GRM5: variants seen among roughly 807,000 people sequenced by gnomAD.
GRM5 encodes the protein metabotropic glutamate receptor 5.
In GRM5, 19 loss-of-function variants were observed where a neutral mutation model predicts 83.1. The observed-to-expected ratio is 0.23, with a 90% CI of 0.16 to 0.34. The LOEUF (loss-of-function observed/expected upper bound fraction) is 0.34, where lower values mean the gene tolerates loss of function less well. GRM5 is among the 10% of genes least tolerant of loss of function. The probability of loss-of-function intolerance (pLI) is 1.00; values close to 1 mark genes in which losing one functional copy is unlikely to be tolerated. For missense variants in GRM5, 1,160 were observed against 1,588.3 expected, an observed-to-expected ratio of 0.73 and a Z score of 4.58; for synonymous variants, 675 against 633.6, an observed-to-expected ratio of 1.07 and a Z score of -0.98.
intron 4 of GRM5, among the ~76,000 whole-genome samples, chr11:88,624,287 G>GAATACCTTCCC (rs1938724254): frequency 6.6e-6 from 1 of 152,200 alleles, no homozygotes; most frequent in Non-Finnish European, 1.5e-5. Context: ...TCACAAGGGA[G>GAATACCTTCCC]AATACCTTCC....
At chr11:88,680,576 C>A (rs913523898) in intron 3 of GRM5, among the ~76,000 whole-genome samples, 1 of 152,246 alleles carries the variant, frequency 6.6e-6, no homozygotes, top group Non-Finnish European at 1.5e-5. Flanking sequence ...GTGTGGCGAT[C>A]CCTCAGGGAT....
chr11:88,745,437 A>T (rs1462808810), intron 3 of GRM5, among the ~76,000 whole-genome samples: 2 of 151,852 alleles, frequency 1.3e-5, no homozygotes, highest in African/African-American at 4.8e-5. Context: ...AACTCCTGAG[A>T]TCAAGCTATC....
chr11:88,861,695 G>C (rs967344404), intron 2 of GRM5, among the ~76,000 whole-genome samples: 8 of 151,802 alleles, frequency 5.3e-5, no homozygotes, highest in Non-Finnish European at 7.4e-5. Flanking sequence ...TTGAACTCCT[G>C]GGCTCAAGCA....
At chr11:88,851,762 G>A (rs1241508538) in intron 2 of GRM5, among the ~76,000 whole-genome samples, 1 of 152,224 alleles carries the variant, frequency 6.6e-6, no homozygotes, top group African/African-American at 2.4e-5. Context: ...AAAGGGCAGA[G>A]CAGAGCAGGT....
intron 7 of GRM5, among the ~76,000 whole-genome samples, chr11:88,579,058 A>C (rs1324590045): frequency 1.3e-5 from 2 of 152,146 alleles, no homozygotes; most frequent in Non-Finnish European, 2.9e-5. Flanking sequence ...TTCAATTTTC[A>C]AACTCAATTT....
rs182304864 is a variant in GRM5, at chr11:88,867,320, A to G, written c.662-17165T>C. Among the ~76,000 whole-genome samples, 346 of 151,966 alleles carry G rather than the reference A, an allele frequency of 2.3e-3. 1 individual carries two copies. Among genetic ancestry groups the G allele is most frequent in the African/African-American group, 8.0e-3 (330 of 41,508 alleles). On this transcript the variant is annotated intron_variant, in intron 2 of 9. Coordinates refer to ENST00000305447, the MANE Select transcript of GRM5 (RefSeq NM_001143831.3). The stretch of plus-strand genomic sequence containing the variant: ...CAAACTGTTACTTCATTTGGGGTTG[A>G]ATATGAGAAAATTCAAGAAGCTTAG...
chr11:88,647,526 G>A lies in GRM5; in HGVS notation c.1147+5642C>T, dbSNP rs144965585. The stretch of plus-strand genomic sequence containing the variant: ...TTCACGATGCATTAAAGACTTAAAC[G>A]TTAGACCTAAAACCATAAAAACCCT... On this transcript the variant is annotated intron_variant, in intron 4 of 9. Transcript: ENST00000305447. 0.01 allele frequency among the ~76,000 whole-genome samples: 1,573 copies of A among 152,164 alleles called. 46 individuals are homozygous for A. The East Asian group carries it at 0.12, about 11-fold the overall frequency.
chr11:88,511,247 CTTG>C (rs938167007), intron 9 of GRM5, among the ~76,000 whole-genome samples: 34 of 152,274 alleles, frequency 2.2e-4, no homozygotes, highest in African/African-American at 8.2e-4. Context: ...CTTGGGCCCC[CTTG>C]CTGGAGGGCT....
chr11:88,538,052 A>C (rs1011860326), intron 8 of GRM5, among the ~76,000 whole-genome samples: 5 of 151,990 alleles, frequency 3.3e-5, no homozygotes, highest in African/African-American at 1.2e-4. Context: ...ACATAAGCTC[A>C]AAGGTTTCTG....
chr11:88,718,042 A>ATT (rs1232579986), intron 3 of GRM5, among the ~76,000 whole-genome samples: 2 of 151,858 alleles, frequency 1.3e-5, no homozygotes, highest in Non-Finnish European at 2.9e-5. Context: ...CATAGAAAAT[A>ATT]TTTTAAAAAT....
intron 3 of GRM5, among the ~76,000 whole-genome samples, chr11:88,687,579 A>ATATATTATATATATT (rs1250226972): frequency 8.5e-5 from 4 of 46,836 alleles, no homozygotes; most frequent in South Asian, 5.7e-4. Flanking sequence ...ATATATATAT[A>ATATATTATATATATT]ATATATATAT....
intron 2 of GRM5, among the ~76,000 whole-genome samples, chr11:89,008,621 G>T (rs1360012638): frequency 6.6e-6 from 1 of 152,048 alleles, no homozygotes; most frequent in Non-Finnish European, 1.5e-5. Context: ...TGTTGTTACT[G>T]GTTTCATCGT....
chr11:88,607,781 G>T (rs929620448), intron 4 of GRM5, among the ~76,000 whole-genome samples: 7 of 152,292 alleles, frequency 4.6e-5, no homozygotes, highest in African/African-American at 1.4e-4. Flanking sequence ...TGTAATTGCT[G>T]TGTCTTCTGC....
At position 89,047,705 on chromosome 11, in the gene GRM5, CT is replaced by C. The variant is rs1483276187; in HGVS notation, c.167del (p.Lys56SerfsTer40). The C allele has an allele frequency of 6.2e-7, 1 of 1,614,032 alleles. No homozygotes were observed. The highest frequency in any genetic ancestry group is 1.3e-5 in the African/African-American group (1 of 74,914). Reference protein sequence around the residue: ...QPTVDKVHERKCGAVREQYGI... With the variant: ...QPTVDKVHERXCGAVREQYGI... The stretch of plus-strand genomic sequence containing the variant: ...CATACTGTTCACGGACCGCCCCACA[CT>C]TCCTCTCATGAACTTTGTCCACAGT... On this transcript the variant is annotated frameshift_variant, in exon 2 of 10. Coordinates refer to ENST00000305447, the MANE Select transcript of GRM5 (RefSeq NM_001143831.3). LOFTEE classifies it high-confidence loss of function. This position sits in a 1 kb window ranked among gnomAD's most constrained non-coding sequence, Gnocchi z 5.1.
At chr11:88,641,228 A>T (rs752884079) in intron 4 of GRM5, among the ~76,000 whole-genome samples, 1 of 152,066 alleles carries the variant, frequency 6.6e-6, no homozygotes, top group Non-Finnish European at 1.5e-5. Context: ...TAGATCCTGT[A>T]AGAACTCACT....
chr11:88,969,738 G>T (rs1343384463), intron 2 of GRM5, among the ~76,000 whole-genome samples: 1 of 151,996 alleles, frequency 6.6e-6, no homozygotes, highest in Non-Finnish European at 1.5e-5. Flanking sequence ...ATAAACTGAT[G>T]TCAAAAAGAA....
At chr11:89,061,133 G>T (rs920861504) in intron 1 of GRM5, among the ~76,000 whole-genome samples, 1 of 151,796 alleles carries the variant, frequency 6.6e-6, no homozygotes, top group Non-Finnish European at 1.5e-5. Flanking sequence ...TTATAAAGTT[G>T]GTTTATACAT....
At chr11:88,601,395 C>CTCTCTTTCTCTCAT (rs1456671264) in intron 5 of GRM5, among the ~76,000 whole-genome samples, 7 of 151,428 alleles carry the variant, frequency 4.6e-5, no homozygotes, top group Non-Finnish European at 8.8e-5. Context: ...TTCTTTCTTT[C>CTCTCTTTCTCTCAT]TCTCTTTCTC....
chr11:88,984,732 C>T (rs1469726639), intron 2 of GRM5: 2 of 702,352 alleles, frequency 2.8e-6, no homozygotes, highest in Non-Finnish European at 5.3e-6. Flanking sequence ...TTTATTAAAG[C>T]TATAGGAGAA....
Sources: gnomAD v4.1 joint callset for allele counts (sites outside exome capture counted in the v4.1 genomes callset) on GRCh38, gnomAD v4.1.1 for gene constraint, Gnocchi (gnomAD v3.1) non-coding constraint, MANE v1.5 for transcripts, NCBI Gene and HGNC (gene_info 2026-07-23, HGNC 2026-07-21) for gene names.